The following PLCB4 variants were observed in gnomAD, a reference collection of about 807,000 sequenced individuals.
PLCB4 encodes phospholipase C beta 4.
In PLCB4, 77 loss-of-function variants were observed where a neutral mutation model predicts 178.8. The observed-to-expected ratio is 0.43, with a 90% CI of 0.36 to 0.52. The LOEUF (loss-of-function observed/expected upper bound fraction) is 0.52, where lower values mean the gene tolerates loss of function less well. Among genes scored for constraint, PLCB4 ranks in the 20% least tolerant of loss-of-function variants. PLCB4 has a pLI of 0.00. For synonymous variants in PLCB4, 496 were observed against 490.8 expected, an observed-to-expected ratio of 1.01 and a Z score of -0.14; for missense variants, 1,024 against 1,453.4, an observed-to-expected ratio of 0.70 and a Z score of 4.80.
At chr20:9,078,288 G>GT (rs2089972455) in intron 1 of PLCB4, among the ~76,000 whole-genome samples, 1 of 151,342 alleles carries the variant, frequency 6.6e-6, no homozygotes, top group Non-Finnish European at 1.5e-5. Flanking sequence ...GCCTGGCTAT[G>GT]TTTTTTTGAA....
At chr20:9,409,332 A>AT in intron 24 of PLCB4, 151 bp downstream of exon 24, 1 of 505,968 alleles carries the variant, frequency 2.0e-6, no homozygotes, top group East Asian at 3.5e-5. Flanking sequence ...ATGGTGAGAA[A>AT]TAAAAAAAAA....
intron 2 of PLCB4, among the ~76,000 whole-genome samples, chr20:9,209,524 G>A (rs569216689): frequency 1.3e-5 from 2 of 152,158 alleles, no homozygotes; most frequent in Non-Finnish European, 2.9e-5. Context: ...CCCTAAAAGG[G>A]GTTGGAGAGA....
At chr20:9,315,325 GACATTACA>G (rs1181162561) in intron 4 of PLCB4, among the ~76,000 whole-genome samples, 1 of 152,152 alleles carries the variant, frequency 6.6e-6, no homozygotes, top group Admixed American at 6.5e-5. Context: ...ATATTTTAAA[GACATTACA>G]ACTTAATCCA....
At chr20:9,459,973 A>G (rs2043289192) in intron 35 of PLCB4, among the ~76,000 whole-genome samples, 163 bp downstream of exon 35, 1 of 152,206 alleles carries the variant, frequency 6.6e-6, no homozygotes, top group Non-Finnish European at 1.5e-5. Flanking sequence ...AAGATGAGCT[A>G]TAAGAAATGG....
At chr20:9,384,495 T>G in intron 14 of PLCB4, 84 bp downstream of exon 14, 1 of 956,588 alleles carries the variant, frequency 1.0e-6, no homozygotes, top group Non-Finnish European at 1.7e-6. Context: ...CAGGAAATAG[T>G]AATCAGGATG....
chr20:9,300,252 G>T (rs2094687802), intron 3 of PLCB4, among the ~76,000 whole-genome samples: 1 of 152,120 alleles, frequency 6.6e-6, no homozygotes, highest in Admixed American at 6.6e-5. Context: ...AACTTTGGTT[G>T]TGCCATCATG....
chr20:9,195,066 G>T (rs1461473431), intron 2 of PLCB4, among the ~76,000 whole-genome samples: 6 of 152,184 alleles, frequency 3.9e-5, no homozygotes, highest in Non-Finnish European at 7.3e-5. Context: ...TCCAATTTTA[G>T]TCTAGAAAAA....
intron 2 of PLCB4, among the ~76,000 whole-genome samples, chr20:9,180,796 T>A (rs2093233636): frequency 6.6e-6 from 1 of 152,200 alleles, no homozygotes; most frequent in African/African-American, 2.4e-5. Flanking sequence ...CCAAGAATCA[T>A]CTCATTAGAA....
intron 2 of PLCB4, among the ~76,000 whole-genome samples, chr20:9,199,109 GT>G (rs2093509178): frequency 6.6e-6 from 1 of 152,150 alleles, no homozygotes; most frequent in Admixed American, 6.5e-5. Flanking sequence ...ATTAGTAAGT[GT>G]TAATAAATGT....
chr20:9,200,561 A>G (rs2093530694), intron 2 of PLCB4, among the ~76,000 whole-genome samples: 2 of 152,230 alleles, frequency 1.3e-5, no homozygotes, highest in African/African-American at 2.4e-5. Context: ...ATTGAAAATC[A>G]GATCCAATCA....
intron 3 of PLCB4, among the ~76,000 whole-genome samples, chr20:9,284,136 G>A (rs1313703925): frequency 1.3e-5 from 2 of 151,986 alleles, no homozygotes; most frequent in African/African-American, 2.4e-5. Flanking sequence ...TGTGTGTTAC[G>A]TAGAAAAATC....
intron 4 of PLCB4, among the ~76,000 whole-genome samples, chr20:9,330,577 G>A (rs1568598835): frequency 6.6e-6 from 1 of 152,214 alleles, no homozygotes; most frequent in South Asian, 2.1e-4. Context: ...CTATTTGACT[G>A]TGGCTTTGAA....
intron 3 of PLCB4, among the ~76,000 whole-genome samples, chr20:9,297,517 A>C (rs779506860): frequency 4.6e-5 from 7 of 152,070 alleles, no homozygotes; most frequent in Non-Finnish European, 8.8e-5. Context: ...AACCTATTGA[A>C]ATTTAAAAAA....
chr20:9,134,808 C>T (rs187873265), intron 2 of PLCB4, among the ~76,000 whole-genome samples: 51 of 152,242 alleles, frequency 3.3e-4, no homozygotes, highest in African/African-American at 1.2e-3. Context: ...TTATTCTACT[C>T]ATCTTCCCTA....
At chr20:9,327,293 T>G (rs548453112) in intron 4 of PLCB4, among the ~76,000 whole-genome samples, 2 of 151,080 alleles carry the variant, frequency 1.3e-5, no homozygotes, top group East Asian at 3.9e-4. Flanking sequence ...AATTTTTTTT[T>G]TTAATTAGCC....
chr20:9,181,988 G>GAGT (rs1349384481), intron 2 of PLCB4, among the ~76,000 whole-genome samples: 5 of 152,192 alleles, frequency 3.3e-5, no homozygotes, highest in African/African-American at 1.2e-4. Context: ...AGGGCAAAGT[G>GAGT]AGTAATAGAT....
chr20:9,086,812 C>T (rs541054188), intron 1 of PLCB4, among the ~76,000 whole-genome samples: 25 of 152,326 alleles, frequency 1.6e-4, no homozygotes, highest in African/African-American at 6.0e-4. Context: ...TATAGCTGGC[C>T]ATTGCCCTAG....
chr20:9,473,385 T>A lies in PLCB4; in HGVS notation c.3495+20T>A. 7.0e-7 allele frequency: 1 copy of A among 1,426,626 alleles called. No individual in the cohort carries two copies. The highest frequency in any genetic ancestry group is 9.8e-7 in the Non-Finnish European group (1 of 1,017,922). The allele number at this position is 1,426,626 out of a possible 1,614,324, so 88.4% of individuals were successfully genotyped here. A position where few individuals can be genotyped will look rare whatever the true frequency, so the allele number is the denominator to read the frequency against. ...GAGCAGGTATTTTACCTAAAATACG[T>A]AAAAACATGCAGGCAGCTAGCCAGC... is the stretch of plus-strand genomic sequence containing the variant. On this transcript the variant is annotated intron_variant, in intron 38 of 39. Coordinates refer to ENST00000378473, the MANE Select transcript of PLCB4 (RefSeq NM_001377142.1).
chr20:9,146,901 C>A (rs1475725141), intron 2 of PLCB4, among the ~76,000 whole-genome samples: 1 of 152,092 alleles, frequency 6.6e-6, no homozygotes, highest in East Asian at 1.9e-4. Context: ...TGAAATTAGA[C>A]CATATGTGGA....
Sources: gnomAD v4.1 joint callset for allele counts (sites outside exome capture counted in the v4.1 genomes callset) on GRCh38, gnomAD v4.1.1 for gene constraint, MANE v1.5 for transcripts, NCBI Gene and HGNC (gene_info 2026-07-23, HGNC 2026-07-21) for gene names.